The following REPS2 variants were observed in gnomAD, a reference collection of about 807,000 sequenced individuals.
REPS2 encodes ralBP1-associated Eps domain-containing protein 2.
REPS2 carries 23 observed loss-of-function variants against 53.6 expected under a neutral mutation model. That is an observed-to-expected ratio of 0.43 (90% CI 0.31 to 0.61). The LOEUF is 0.61. REPS2 is among the 20% of genes least tolerant of loss of function. The pLI, the probability that REPS2 is intolerant of heterozygous loss-of-function variation, is 0.11. For synonymous variants in REPS2, 238 were observed against 218.6 expected (o/e 1.09, Z -0.78); for missense variants, 446 against 534.9 (o/e 0.83, Z 1.64).
At chrX:17,191,556 A>T in the REPS2 span, among the ~76,000 whole-genome samples, 1 of 112,548 alleles carries the variant, frequency 8.9e-6, no homozygotes, top group Non-Finnish European at 1.9e-5. Context: ...TACATTTACC[A>T]GCAATCCCAC....
At chrX:16,950,595 A>G (rs1434369103) in intron 1 of REPS2, among the ~76,000 whole-genome samples, 1 of 112,622 alleles carries the variant, frequency 8.9e-6, no homozygotes, top group East Asian at 2.8e-4. Context: ...GAAAACGTAT[A>G]TGAGTTTCTG....
the REPS2 span, among the ~76,000 whole-genome samples, chrX:17,183,303 CAAT>C: frequency 8.9e-6 from 1 of 111,977 alleles, no homozygotes; most frequent in Non-Finnish European, 1.9e-5. Context: ...TAATAATTAA[CAAT>C]AAAAACCTGT....
the REPS2 span, among the ~76,000 whole-genome samples, chrX:17,160,830 T>C: frequency 8.9e-6 from 1 of 112,143 alleles, no homozygotes; most frequent in African/African-American, 3.2e-5. Flanking sequence ...CAATGATTCC[T>C]TTTTACCTTC....
At chrX:17,146,063 C>T (rs373841874) in intron 17 of REPS2, among the ~76,000 whole-genome samples, 2 of 105,267 alleles carry the variant, frequency 1.9e-5, no homozygotes, top group African/African-American at 3.5e-5. Flanking sequence ...GAGCCGAGAT[C>T]GCGCCATTGC....
intron 3 of REPS2, among the ~76,000 whole-genome samples, chrX:17,022,861 C>T (rs2061593287): frequency 8.9e-6 from 1 of 112,117 alleles, no homozygotes; most frequent in South Asian, 3.7e-4. Flanking sequence ...GGAAATGCTG[C>T]CATTACCCAT....
intron 2 of REPS2, among the ~76,000 whole-genome samples, chrX:17,017,417 T>C (rs1341659094): frequency 8.9e-6 from 1 of 111,784 alleles, no homozygotes; most frequent in Non-Finnish European, 1.9e-5. Context: ...TGTATGAAGT[T>C]CCATAATGGC....
chrX:17,103,044 A>C (rs1202276223), intron 13 of REPS2, among the ~76,000 whole-genome samples: 1 of 112,376 alleles, frequency 8.9e-6, no homozygotes, highest in Non-Finnish European at 1.9e-5. Flanking sequence ...AGTATTCTCT[A>C]TCTCACAAAA....
intron 14 of REPS2, among the ~76,000 whole-genome samples, chrX:17,116,116 G>A (rs1459557355): frequency 3.6e-5 from 4 of 110,583 alleles, no homozygotes; most frequent in African/African-American, 1.3e-4. Context: ...TATCTCTGTG[G>A]GTTTTGCTTC....
intron 4 of REPS2, among the ~76,000 whole-genome samples, chrX:17,027,403 T>C (rs1373952542): frequency 8.9e-6 from 1 of 112,203 alleles, no homozygotes; most frequent in African/African-American, 3.2e-5. Flanking sequence ...TTTTATTATT[T>C]AGTAGTGGGA....
rs1235982691 is a variant in REPS2 at position 17,121,326 on chromosome X, G to A, written c.1579-12498G>A. Reference sequence around the variant, plus strand: ...TGTGTTGGTAAACCTTCTCCCCTGCGGGGTGGGGGAAAGCCCCAATTTGCA... The same window carrying A: ...TGTGTTGGTAAACCTTCTCCCCTGCAGGGTGGGGGAAAGCCCCAATTTGCA... On this transcript the variant is annotated intron_variant, in intron 14 of 17. Coordinates refer to ENST00000357277, the MANE Select transcript of REPS2 (RefSeq NM_004726.3). Among the ~76,000 whole-genome samples, 8 of 112,278 alleles carry A rather than the reference G, an allele frequency of 7.1e-5. No individual in the cohort carries two copies. In the East Asian group the frequency reaches 2.0e-3, roughly 28 times the overall value.
chrX:16,964,858 C>T lies in REPS2; in HGVS notation c.273+17724C>T, dbSNP rs1156463597. Among the ~76,000 whole-genome samples, 2 of 67,789 alleles carry T rather than the reference C, an allele frequency of 3.0e-5. 1 individual carries two copies. The highest frequency in any genetic ancestry group is 5.5e-5 in the Non-Finnish European group (2 of 36,559). 58.9% of individuals were successfully genotyped at this position (67,789 alleles called of 115,157 possible). Reference sequence around the variant, plus strand: ...GTGGCTCCTCACTTCCCAGTAGGGGCAGCCGGGCAGAGGCGCCCCTCACTT... The same window carrying T: ...GTGGCTCCTCACTTCCCAGTAGGGGTAGCCGGGCAGAGGCGCCCCTCACTT... On this transcript the variant is annotated intron_variant, in intron 1 of 17. Transcript: ENST00000357277.
At chrX:16,989,265 A>T (rs906146148) in intron 1 of REPS2, among the ~76,000 whole-genome samples, 8 of 110,689 alleles carry the variant, frequency 7.2e-5, no homozygotes, top group African/African-American at 2.6e-4. Context: ...AAAAAAAAAA[A>T]ACTCTTGCTG....
At chrX:17,176,728 C>T in the REPS2 span, among the ~76,000 whole-genome samples, 19 of 112,569 alleles carry the variant, frequency 1.7e-4, no homozygotes, top group South Asian at 3.7e-4. Context: ...CCAGTCATGG[C>T]TCTGCTGAAG....
intron 1 of REPS2, among the ~76,000 whole-genome samples, chrX:16,960,928 A>T (rs778973218): frequency 2.7e-5 from 3 of 112,430 alleles, no homozygotes; most frequent in Non-Finnish European, 5.6e-5. Context: ...TCAACATTAT[A>T]AAATATTGAT....
intron 14 of REPS2, among the ~76,000 whole-genome samples, chrX:17,122,534 T>A (rs1338699287): frequency 8.9e-6 from 1 of 112,370 alleles, no homozygotes; most frequent in Non-Finnish European, 1.9e-5. Flanking sequence ...GTGTTTTCAT[T>A]TCTCTTGGAT....
chrX:16,950,064 A>AT (rs765500800), intron 1 of REPS2, among the ~76,000 whole-genome samples: 303 of 96,555 alleles, frequency 3.1e-3, no homozygotes, highest in African/African-American at 7.1e-3. Flanking sequence ...GCAATCACTG[A>AT]TTTTTTTTTT....
downstream of REPS2, among the ~76,000 whole-genome samples, chrX:17,157,045 TG>T (rs1240819725): frequency 9.0e-6 from 1 of 111,675 alleles, no homozygotes; most frequent in Non-Finnish European, 1.9e-5. Flanking sequence ...GTATGGAGGA[TG>T]GGGTGGAATG....
intron 1 of REPS2, among the ~76,000 whole-genome samples, chrX:16,965,624 G>C (rs1277982910): frequency 9.1e-6 from 1 of 109,567 alleles, no homozygotes; most frequent in African/African-American, 3.3e-5. Flanking sequence ...CATCTCAGAC[G>C]ATGGGCGGCC....
At chrX:17,191,437 C>A in the REPS2 span, among the ~76,000 whole-genome samples, 1 of 112,348 alleles carries the variant, frequency 8.9e-6, no homozygotes, top group Non-Finnish European at 1.9e-5. Flanking sequence ...GCAACAATAT[C>A]AAATGTTGAC....
Sources: gnomAD v4.1 joint callset for allele counts (sites outside exome capture counted in the v4.1 genomes callset) on GRCh38, gnomAD v4.1.1 for gene constraint, MANE v1.5 for transcripts, NCBI Gene and HGNC (gene_info 2026-07-23, HGNC 2026-07-21) for gene names.